ACYP2: variants seen among roughly 807,000 people sequenced by gnomAD.
The protein encoded by ACYP2 is acylphosphatase-2.
Under a neutral mutation model 11.2 loss-of-function variants are expected in ACYP2, and 12 were observed. The observed-to-expected ratio is 1.08, with a 90% CI of 0.69 to 1.74. The LOEUF (loss-of-function observed/expected upper bound fraction) is 1.74, where lower values mean the gene tolerates loss of function less well. ACYP2 is among the 40% of genes most tolerant of loss of function. ACYP2 has a pLI of 0.00. For missense variants in ACYP2, 134 were observed against 101.9 expected (o/e 1.31, Z -1.35); for synonymous variants, 43 against 32.2 (o/e 1.33, Z -1.13).
At chr2:54,123,757 A>G (rs1391272938) in intron 4 of ACYP2, among the ~76,000 whole-genome samples, 5 of 152,050 alleles carry the variant, frequency 3.3e-5, no homozygotes, top group African/African-American at 1.2e-4. Context: ...TATTCATACC[A>G]TGATTAGGAG....
chr2:54,079,674 A>C (rs1462094346), intron 4 of ACYP2, among the ~76,000 whole-genome samples: 1 of 152,198 alleles, frequency 6.6e-6, no homozygotes, highest in Non-Finnish European at 1.5e-5. Context: ...CCATAAAACC[A>C]ACGTTGAAAC....
intron 2 of ACYP2, among the ~76,000 whole-genome samples, chr2:54,010,520 T>C (rs1159855444): frequency 1.3e-5 from 2 of 151,744 alleles, no homozygotes; most frequent in East Asian, 3.9e-4. Flanking sequence ...TTTACCCTGA[T>C]GGGATTATTG....
chr2:54,035,395 A>C (rs1357579579), intron 2 of ACYP2, among the ~76,000 whole-genome samples: 3 of 150,332 alleles, frequency 2.0e-5, no homozygotes, highest in African/African-American at 7.4e-5. Flanking sequence ...CCTTCCGAGT[A>C]GCTGGGAGTA....
intron 6 of ACYP2, among the ~76,000 whole-genome samples, chr2:54,259,198 AG>A (rs1687677505): frequency 6.6e-6 from 1 of 152,258 alleles, no homozygotes; most frequent in South Asian, 2.1e-4. Flanking sequence ...AGATCTTTGC[AG>A]GAAAATCAGA....
At chr2:54,002,240 T>C (rs1343160237) in intron 2 of ACYP2, among the ~76,000 whole-genome samples, 2 of 152,228 alleles carry the variant, frequency 1.3e-5, no homozygotes, top group East Asian at 3.8e-4. Context: ...CAGAATGTTA[T>C]ACAGCAGGAG....
chr2:54,003,905 G>T (rs1672926406), intron 2 of ACYP2, among the ~76,000 whole-genome samples: 1 of 152,094 alleles, frequency 6.6e-6, no homozygotes, highest in Non-Finnish European at 1.5e-5. Context: ...ATTTATTGTT[G>T]TCAATGTTTA....
At chr2:54,025,448 A>G (rs1017146317) in intron 2 of ACYP2, among the ~76,000 whole-genome samples, 5 of 152,208 alleles carry the variant, frequency 3.3e-5, no homozygotes, top group Admixed American at 3.3e-4. Flanking sequence ...CTGATCTTCA[A>G]CACAGCAAAC....
At chr2:54,067,931 T>C (rs950461307) in intron 4 of ACYP2, among the ~76,000 whole-genome samples, 4 of 152,226 alleles carry the variant, frequency 2.6e-5, no homozygotes, top group Admixed American at 2.6e-4. Flanking sequence ...AAAATATTTT[T>C]TAGCTCTGCT....
At chr2:54,043,655 G>T (rs1409445606) in intron 2 of ACYP2, among the ~76,000 whole-genome samples, 2 of 152,188 alleles carry the variant, frequency 1.3e-5, no homozygotes, top group Non-Finnish European at 2.9e-5. Context: ...TTAAAATCAT[G>T]AAGGCGATGT....
intron 4 of ACYP2, among the ~76,000 whole-genome samples, chr2:54,063,612 G>A (rs1676581170): frequency 6.6e-6 from 1 of 152,210 alleles, no homozygotes; most frequent in Admixed American, 6.5e-5. Context: ...TCTGCTGAAG[G>A]CCACAGCTAT....
chr2:54,028,390 C>A (rs1674406451), intron 2 of ACYP2, among the ~76,000 whole-genome samples: 1 of 152,144 alleles, frequency 6.6e-6, no homozygotes, highest in Non-Finnish European at 1.5e-5. Context: ...GAAGAAAAAG[C>A]CTCAAGGTCT....
At chr2:54,051,241 CA>C in intron 3 of ACYP2, 5 of 872,910 alleles carry the variant, frequency 5.7e-6, no homozygotes, top group South Asian at 4.0e-5. Context: ...AGCTGAGAGG[CA>C]AAATGTCATC....
chr2:54,192,628 G>T (rs892405581), intron 6 of ACYP2, among the ~76,000 whole-genome samples: 2 of 152,098 alleles, frequency 1.3e-5, no homozygotes, highest in Non-Finnish European at 2.9e-5. Flanking sequence ...AAAAAAAGAG[G>T]CTTGTAATAT....
chr2:53,980,934 T>C (rs781340127), intron 2 of ACYP2, among the ~76,000 whole-genome samples: 1 of 152,008 alleles, frequency 6.6e-6, no homozygotes, highest in Non-Finnish European at 1.5e-5. Flanking sequence ...CTATTTTTTG[T>C]AGAAATGGGG....
At chr2:54,288,992 T>A (rs190313041) in intron 6 of ACYP2, among the ~76,000 whole-genome samples, 1 of 152,130 alleles carries the variant, frequency 6.6e-6, no homozygotes, top group Admixed American at 6.5e-5. Context: ...AGCCTCATCA[T>A]CTAAAAGTCA....
chr2:54,219,811 T>TTGTG lies in ACYP2; in HGVS notation c.404+81065_404+81068dup, dbSNP rs1420352483. Among the ~76,000 whole-genome samples the TTGTG allele has an allele frequency of 3.2e-3, 376 of 117,922 alleles. 12 individuals carry two copies. In the East Asian group the frequency reaches 0.075, roughly 23 times the overall value. The allele number at this position is 117,922 out of a possible 152,430, so 77.4% of individuals were successfully genotyped here. ...TTTTTATGTGTGTGTGTGTGTGTGTTTGTGTATGTGTGTGTGTATATATAT... is the reference window on the plus strand; with the variant it reads ...TTTTTATGTGTGTGTGTGTGTGTGTTTGTGTGTGTATGTGTGTGTGTATATATAT... On this transcript the variant is annotated intron_variant, in intron 6 of 6. Transcript: ENST00000607452.
intron 6 of ACYP2, among the ~76,000 whole-genome samples, chr2:54,194,205 A>C (rs1684358111): frequency 6.6e-6 from 1 of 152,004 alleles, no homozygotes; most frequent in Non-Finnish European, 1.5e-5. Context: ...GCACCTGGCT[A>C]ATTTTTGCAT....
At chr2:54,172,864 G>C (rs116131423) in intron 6 of ACYP2, among the ~76,000 whole-genome samples, 3,923 of 152,210 alleles carry the variant, frequency 0.026, 68 homozygotes, top group Middle Eastern at 0.061. Context: ...TGTCCCCGCA[G>C]AGAACATGAA....
chr2:54,123,713 A>G (rs999507627), intron 4 of ACYP2, among the ~76,000 whole-genome samples: 1 of 152,066 alleles, frequency 6.6e-6, no homozygotes. Flanking sequence ...CTCTCCCTCA[A>G]GATTTCAAGA....
Sources: gnomAD v4.1 joint callset for allele counts (sites outside exome capture counted in the v4.1 genomes callset) on GRCh38, gnomAD v4.1.1 for gene constraint, MANE v1.5 for transcripts, NCBI Gene and HGNC (gene_info 2026-07-23, HGNC 2026-07-21) for gene names.